The following GPR158 variants were observed in gnomAD, a reference collection of about 807,000 sequenced individuals.
The protein encoded by GPR158 is G protein-coupled receptor 158, also known as metabotropic glycine receptor.
A neutral mutation model predicts 78.2 loss-of-function variants in GPR158; 30 were observed. The observed-to-expected ratio is 0.38, with a 90% CI of 0.29 to 0.52. The LOEUF (loss-of-function observed/expected upper bound fraction) is 0.52. Among genes scored for constraint, GPR158 ranks in the 20% least tolerant of loss-of-function variants. GPR158 has a pLI of 0.83. For missense variants in GPR158, 1,463 were observed against 1,523.5 expected (o/e 0.96, Z 0.66); for synonymous variants, 581 against 591.1 (o/e 0.98, Z 0.25).
intron 2 of GPR158, among the ~76,000 whole-genome samples, chr10:25,296,738 G>C (rs2130770400): frequency 6.6e-6 from 1 of 152,236 alleles, no homozygotes; most frequent in African/African-American, 2.4e-5. Context: ...TTAAAAAAGA[G>C]ATACTATTAT....
intron 5 of GPR158, among the ~76,000 whole-genome samples, chr10:25,495,381 C>A (rs749890279): frequency 1.0e-4 from 15 of 147,874 alleles, no homozygotes; most frequent in Non-Finnish European, 2.1e-4. Flanking sequence ...CAAGCTCCGC[C>A]TCCCAGGTTC....
intron 3 of GPR158, among the ~76,000 whole-genome samples, chr10:25,401,552 T>C (rs1834446289): frequency 6.6e-6 from 1 of 152,168 alleles, no homozygotes; most frequent in Non-Finnish European, 1.5e-5. Flanking sequence ...CCAAAAATCT[T>C]CCTTTTCCTC....
chr10:25,549,923 T>G (rs890717957), intron 5 of GPR158, among the ~76,000 whole-genome samples: 1 of 152,216 alleles, frequency 6.6e-6, no homozygotes, highest in African/African-American at 2.4e-5. Context: ...GCATATTTTC[T>G]GTTACGACCT....
chr10:25,463,531 C>T (rs559360664), intron 4 of GPR158, among the ~76,000 whole-genome samples: 65 of 152,078 alleles, frequency 4.3e-4, no homozygotes, highest in Non-Finnish European at 8.5e-4. Context: ...TGTCATACTG[C>T]GTATTACTGA....
chr10:25,245,335 A>G (rs192178278), intron 2 of GPR158, among the ~76,000 whole-genome samples: 94 of 152,320 alleles, frequency 6.2e-4, no homozygotes, highest in African/African-American at 2.2e-3. Context: ...AGTAAATCCT[A>G]TGGTGAGTCA....
intron 2 of GPR158, among the ~76,000 whole-genome samples, chr10:25,333,544 A>T (rs1425850822): frequency 6.6e-6 from 1 of 152,162 alleles, no homozygotes; most frequent in African/African-American, 2.4e-5. Flanking sequence ...CCCCAATGTA[A>T]GACGTTAGTA....
At chr10:25,322,669 TC>T (rs1854969457) in intron 2 of GPR158, among the ~76,000 whole-genome samples, 1 of 152,212 alleles carries the variant, frequency 6.6e-6, no homozygotes, top group African/African-American at 2.4e-5. Flanking sequence ...TGAAATGTAT[TC>T]CTTAAATAAT....
intron 2 of GPR158, among the ~76,000 whole-genome samples, chr10:25,272,233 C>A (rs960149219): frequency 6.6e-6 from 1 of 152,108 alleles, no homozygotes; most frequent in Non-Finnish European, 1.5e-5. Context: ...CTTGAGTTTT[C>A]CAAGTTCTTG....
At chr10:25,444,794 CATT>C (rs1490222858) in intron 4 of GPR158, among the ~76,000 whole-genome samples, 15 of 152,044 alleles carry the variant, frequency 9.9e-5, no homozygotes, top group Non-Finnish European at 2.1e-4. Flanking sequence ...TTTATAATAT[CATT>C]GAGTTTTAAA....
intron 2 of GPR158, among the ~76,000 whole-genome samples, chr10:25,361,648 A>G (rs977850913): frequency 3.3e-5 from 5 of 151,932 alleles, no homozygotes; most frequent in African/African-American, 1.2e-4. Flanking sequence ...GTGAGGTTAC[A>G]TCTCATTGTG....
intron 4 of GPR158, among the ~76,000 whole-genome samples, chr10:25,446,144 T>A (rs759726045): frequency 1.3e-5 from 2 of 152,186 alleles, no homozygotes; most frequent in Non-Finnish European, 2.9e-5. Flanking sequence ...TATCCGAAAC[T>A]TTAATCACCT....
At chr10:25,511,075 C>T (rs1836078361) in intron 5 of GPR158, among the ~76,000 whole-genome samples, 1 of 152,146 alleles carries the variant, frequency 6.6e-6, no homozygotes, top group Non-Finnish European at 1.5e-5. Flanking sequence ...AGTGGGATTG[C>T]TAGATCAAAT....
intron 2 of GPR158, among the ~76,000 whole-genome samples, chr10:25,300,298 C>A (rs1854574222): frequency 6.6e-6 from 1 of 152,148 alleles, no homozygotes. Context: ...CTTCTTCCAG[C>A]TTCAAAGGCA....
rs565272565 is a variant in GPR158 at position 25,467,842 on chromosome 10, T to TC, written c.1404+1125dup. On this transcript the variant is annotated intron_variant, in intron 5 of 10. Transcript: ENST00000376351. ...TTTTATTATGTCAGACCCTTTAAGT[T>TC]CCTGTCTGTGTCTCAAGTCTCTGCC... Among the ~76,000 whole-genome samples, 25 of 152,236 alleles carry TC rather than the reference T, an allele frequency of 1.6e-4. No individual in the cohort carries two copies. In the East Asian group the frequency reaches 4.8e-3, roughly 29 times the overall value.
chr10:25,181,518 T>C (rs1468475969), intron 1 of GPR158, among the ~76,000 whole-genome samples: 6 of 152,280 alleles, frequency 3.9e-5, no homozygotes, highest in East Asian at 1.9e-4. Context: ...CGATGGGTCA[T>C]GGTAGAAATA....
chr10:25,405,183 G>GAT (rs1004973669), intron 3 of GPR158, among the ~76,000 whole-genome samples: 10 of 151,832 alleles, frequency 6.6e-5, no homozygotes, highest in African/African-American at 2.2e-4. Flanking sequence ...TTAGTAAAAA[G>GAT]ATATATATAT....
chr10:25,252,731 G>A (rs1183917182), intron 2 of GPR158, among the ~76,000 whole-genome samples: 5 of 152,262 alleles, frequency 3.3e-5, no homozygotes, highest in Non-Finnish European at 7.4e-5. Context: ...GTCAGACAGG[G>A]ACATTTAAGT....
At chr10:25,275,238 A>G (rs1419923829) in intron 2 of GPR158, among the ~76,000 whole-genome samples, 2 of 152,146 alleles carry the variant, frequency 1.3e-5, no homozygotes, top group Admixed American at 6.5e-5. Context: ...GTCCAGGACT[A>G]CCTTTATCAC....
In GPR158 at chr10:25,598,346, C is replaced by T. The variant is rs1230589589; in HGVS notation, c.2720C>T (p.Ala907Val). 2.5e-6 allele frequency: 4 copies of T among 1,613,910 alleles called. No homozygotes were observed. Among genetic ancestry groups the T allele is most frequent in the Non-Finnish European group, 3.4e-6 (4 of 1,179,992 alleles). The change falls in exon 11 of 11, where the codon GCA (alanine) becomes GTA (valine). Residue 907 changes from alanine (A) to valine (V), a missense_variant. By Grantham distance (64) the Ala-to-Val change is moderately conservative. Coordinates refer to ENST00000376351, the MANE Select transcript of GPR158 (RefSeq NM_020752.3). ...TTACAGAAGTCTCTCAGTGTCATAG[C>T]AAGCGCCAAGGAGAAGACTCTTGGA... ...SMLQKSLSVI[A>V]SAKEKTLGLA...
Sources: gnomAD v4.1 joint callset for allele counts (sites outside exome capture counted in the v4.1 genomes callset) on GRCh38, gnomAD v4.1.1 for gene constraint, MANE v1.5 for transcripts, NCBI Gene and HGNC (gene_info 2026-07-23, HGNC 2026-07-21) for gene names.